The following AGR3 variants were observed in gnomAD, a reference collection of about 807,000 sequenced individuals.
AGR3 encodes anterior gradient protein 3.
In AGR3, 37 loss-of-function variants were observed where a neutral mutation model predicts 24.5. The ratio of observed to expected loss-of-function variants is 1.51; its 90% CI spans 1.16 to 1.99. AGR3 has a LOEUF of 1.99. Among genes scored for constraint, AGR3 ranks in the 30% most tolerant of loss-of-function variants. AGR3 has a pLI of 0.00. For synonymous variants in AGR3, 75 were observed against 61.6 expected (o/e 1.22, Z -1.02); for missense variants, 228 against 191.1 (o/e 1.19, Z -1.14).
downstream of AGR3, among the ~76,000 whole-genome samples, chr7:16,855,758 A>G (rs1011327123): frequency 6.6e-6 from 1 of 152,234 alleles, no homozygotes; most frequent in African/African-American, 2.4e-5. Context: ...AAGAAGTACT[A>G]CTTGTAAACT....
chr7:16,861,587 G>C (rs1781644716), intron 5 of AGR3, 140 bp from the exon 6 acceptor site: 4 of 675,490 alleles, frequency 5.9e-6, no homozygotes, highest in Middle Eastern at 6.7e-4. Flanking sequence ...CCAATATTTA[G>C]CTCTTTGTGC....
At chr7:16,877,817 C>A (rs62445069) in intron 2 of AGR3, among the ~76,000 whole-genome samples, 27 of 146,082 alleles carry the variant, frequency 1.8e-4, no homozygotes, top group Non-Finnish European at 3.6e-4. Context: ...GAGCCAAGAT[C>A]GTGCCACTAC....
rs188101118 is a variant in AGR3, at chr7:16,864,584, C to A, written c.174-1922G>T. The A allele has an allele frequency of 1.0e-5, 15 of 1,465,804 alleles. No individual in the cohort carries two copies. The Admixed American group carries it at 2.0e-4, about 20-fold the overall frequency. The allele number at this position is 1,465,804 out of a possible 1,614,324, so 90.8% of individuals were successfully genotyped here. A position where few individuals can be genotyped will look rare whatever the true frequency, so the allele number is the denominator to read the frequency against. Reference sequence around the variant, plus strand: ...ATATCTTGGATAAGAGAAATCTGAGCTTGATTTCTCATTGGAATGGTTATT... The same window carrying A: ...ATATCTTGGATAAGAGAAATCTGAGATTGATTTCTCATTGGAATGGTTATT... On this transcript the variant is annotated intron_variant, in intron 3 of 7. Coordinates refer to ENST00000310398, the MANE Select transcript of AGR3 (RefSeq NM_176813.5).
chr7:16,881,708 T>C (rs112350440), intron 1 of AGR3, among the ~76,000 whole-genome samples: 57 of 152,346 alleles, frequency 3.7e-4, no homozygotes, highest in African/African-American at 1.3e-3. Context: ...TAGAATACTT[T>C]TCAAAGAGTC....
intron 5 of AGR3, 31 bp from the exon 6 acceptor site, chr7:16,861,478 T>C (rs1448876387): frequency 2.6e-6 from 4 of 1,551,966 alleles, no homozygotes; most frequent in Non-Finnish European, 3.5e-6. Flanking sequence ...AAGAATGTTA[T>C]TGGATTCATT....
intron 3 of AGR3, chr7:16,866,344 C>T: frequency 2.2e-6 from 1 of 452,622 alleles, no homozygotes; most frequent in Non-Finnish European, 4.5e-6. Flanking sequence ...TAGTATAGGA[C>T]CTGTAGTACA....
At chr7:16,867,371 ATAATC>A (rs1467038235) in intron 3 of AGR3, among the ~76,000 whole-genome samples, 1 of 152,102 alleles carries the variant, frequency 6.6e-6, no homozygotes, top group Non-Finnish European at 1.5e-5. Flanking sequence ...CTACCTATCA[ATAATC>A]TATTTATTTA....
chr7:16,879,079 T>C (rs952189335), intron 1 of AGR3, among the ~76,000 whole-genome samples: 1 of 152,230 alleles, frequency 6.6e-6, no homozygotes, highest in South Asian at 2.1e-4. Context: ...ATATTTTAAC[T>C]CTATACTAAG....
At chr7:16,861,114 T>A (rs1235211003) in intron 6 of AGR3, among the ~76,000 whole-genome samples, 3 of 152,236 alleles carry the variant, frequency 2.0e-5, no homozygotes, top group Non-Finnish European at 4.4e-5. Context: ...TAGTGTGTCA[T>A]AGGTCTCTGT....
chr7:16,862,726 T>A, intron 3 of AGR3, 64 bp from the exon 4 acceptor site: 1 of 1,175,784 alleles, frequency 8.5e-7, no homozygotes, highest in Middle Eastern at 2.6e-4. Context: ...TACAGTAGAG[T>A]TAGATTTAAA....
At chr7:16,864,375 C>T (rs1781708378) in intron 3 of AGR3, 1 of 1,311,840 alleles carries the variant, frequency 7.6e-7, no homozygotes. Flanking sequence ...TATTCTGACT[C>T]AGAGGAAGAG....
chr7:16,878,404 C>A, intron 2 of AGR3, 106 bp downstream of exon 2: 1 of 920,584 alleles, frequency 1.1e-6, no homozygotes, highest in Non-Finnish European at 1.6e-6. Flanking sequence ...AAAAATCATT[C>A]AGTTAGTTGA....
downstream of AGR3, among the ~76,000 whole-genome samples, chr7:16,858,605 C>T (rs1025054376): frequency 2.6e-5 from 4 of 152,134 alleles, no homozygotes; most frequent in African/African-American, 9.7e-5. Flanking sequence ...GATGCAGTGG[C>T]TCGGGCCTGT....
intron 1 of AGR3, among the ~76,000 whole-genome samples, chr7:16,881,632 A>G (rs369179714): frequency 6.6e-6 from 1 of 152,244 alleles, no homozygotes; most frequent in Non-Finnish European, 1.5e-5. Flanking sequence ...AACTGATATT[A>G]TAAGTTCCTA....
At position 16,859,551 on chromosome 7, in the gene AGR3, C is replaced by A. The variant is rs777943988; in HGVS notation, c.*31G>T. The A allele has an allele frequency of 1.0e-5, 15 of 1,488,372 alleles. No individual in the cohort carries two copies. The Admixed American group carries it at 1.1e-4, about 11-fold the overall frequency. The allele number at this position is 1,488,372 out of a possible 1,614,324, so 92.2% of individuals were successfully genotyped here. On this transcript the variant is annotated 3_prime_UTR_variant, in exon 8 of 8. Transcript: ENST00000310398. ...AGGTTTTCTTCATGAAATTTGACTT[C>A]TTTGAAGTGAAGGCTTTTTTCCATC...
At chr7:16,878,916 G>A (rs566824711) in intron 1 of AGR3, among the ~76,000 whole-genome samples, 4 of 152,322 alleles carry the variant, frequency 2.6e-5, no homozygotes, top group South Asian at 4.1e-4. Context: ...CAGGGCACAC[G>A]AAGCCTGCTT....
At chr7:16,858,478 C>G (rs1781583783), downstream of AGR3, among the ~76,000 whole-genome samples, 1 of 152,116 alleles carries the variant, frequency 6.6e-6, no homozygotes, top group African/African-American at 2.4e-5. Flanking sequence ...TAAATATAAT[C>G]CTTTCCTACC....
At chr7:16,858,324 C>T (rs182631156), downstream of AGR3, among the ~76,000 whole-genome samples, 117 of 152,146 alleles carry the variant, frequency 7.7e-4, 1 homozygote, top group South Asian at 1.9e-3. Flanking sequence ...CTGATAATTA[C>T]TCCCAGCTGA....
At chr7:16,873,450 A>G (rs944846687) in intron 3 of AGR3, 1 of 201,674 alleles carries the variant, frequency 5.0e-6, no homozygotes, top group Non-Finnish European at 1.0e-5. Context: ...GAGGGTTCAG[A>G]GCTGGAAGGA....
Sources: allele counts gnomAD v4.1 joint callset (sites outside exome capture counted in the v4.1 genomes callset), GRCh38; gene constraint gnomAD v4.1.1; transcripts MANE v1.5; gene names NCBI Gene and HGNC (gene_info 2026-07-23, HGNC 2026-07-21).